Variants in KCNJ3 observed in about 807,000 individuals in gnomAD.
KCNJ3 encodes the protein potassium inwardly rectifying channel subfamily J member 3.
A neutral mutation model predicts 39.2 loss-of-function variants in KCNJ3; 4 were observed. The ratio of observed to expected loss-of-function variants is 0.10; its 90% CI spans 0.05 to 0.23. The LOEUF (loss-of-function observed/expected upper bound fraction) is 0.23, where lower values mean the gene tolerates loss of function less well. Ranked by LOEUF, KCNJ3 falls within the 10% of genes least tolerant of loss-of-function variation. The pLI is 1.00. For missense variants in KCNJ3, 276 were observed against 634.9 expected, an observed-to-expected ratio of 0.43 and a Z score of 6.08; for synonymous variants, 230 against 237.4, an observed-to-expected ratio of 0.97 and a Z score of 0.29.
intron 2 of KCNJ3, among the ~76,000 whole-genome samples, chr2:154,718,237 T>C (rs953708755): frequency 6.6e-6 from 1 of 152,196 alleles, no homozygotes; most frequent in African/African-American, 2.4e-5. Flanking sequence ...AGATATATCT[T>C]ATCAGTAATT....
At chr2:154,723,682 TA>T (rs1232761491) in intron 2 of KCNJ3, among the ~76,000 whole-genome samples, 2 of 152,192 alleles carry the variant, frequency 1.3e-5, no homozygotes, top group South Asian at 2.1e-4. Context: ...TTTAGCTTTG[TA>T]AAAAATGCTT....
intron 2 of KCNJ3, among the ~76,000 whole-genome samples, chr2:154,769,807 T>C (rs1179885051): frequency 6.6e-6 from 1 of 152,076 alleles, no homozygotes; most frequent in Non-Finnish European, 1.5e-5. Flanking sequence ...TTTAATGGAC[T>C]CTATATACTA....
chr2:154,841,368 A>T (rs991258281), intron 2 of KCNJ3, among the ~76,000 whole-genome samples: 4 of 152,174 alleles, frequency 2.6e-5, no homozygotes, highest in Non-Finnish European at 5.9e-5. Context: ...ATCAATGTTC[A>T]TCAGGGATAT....
intron 2 of KCNJ3, among the ~76,000 whole-genome samples, chr2:154,828,200 T>G (rs1687302132): frequency 6.6e-6 from 1 of 152,206 alleles, no homozygotes; most frequent in Non-Finnish European, 1.5e-5. Context: ...TAAAGCATGG[T>G]TTTTACATTA....
At chr2:154,793,616 G>T (rs986749430) in intron 2 of KCNJ3, among the ~76,000 whole-genome samples, 6 of 152,076 alleles carry the variant, frequency 3.9e-5, no homozygotes, top group Middle Eastern at 3.4e-3. Context: ...GTTGTCTAAA[G>T]CTGTATCTGT....
chr2:154,704,990 C>G (rs1040940657), intron 1 of KCNJ3, among the ~76,000 whole-genome samples: 1 of 152,220 alleles, frequency 6.6e-6, no homozygotes, highest in Non-Finnish European at 1.5e-5. Flanking sequence ...CCTTTCCTTT[C>G]CTTCCCAGAC....
At chr2:154,819,334 A>G (rs558310601) in intron 2 of KCNJ3, among the ~76,000 whole-genome samples, 36 of 152,114 alleles carry the variant, frequency 2.4e-4, no homozygotes, top group Non-Finnish European at 4.1e-4. Context: ...AGATGATGTT[A>G]TAGTAAACTG....
At chr2:154,832,025 A>C (rs1015389695) in intron 2 of KCNJ3, among the ~76,000 whole-genome samples, 16 of 152,100 alleles carry the variant, frequency 1.1e-4, no homozygotes, top group African/African-American at 3.9e-4. Flanking sequence ...CAAGAGAGAG[A>C]GGGAAGGAGG....
chr2:154,719,562 T>C (rs1010363687), intron 2 of KCNJ3, among the ~76,000 whole-genome samples: 1 of 152,168 alleles, frequency 6.6e-6, no homozygotes, highest in African/African-American at 2.4e-5. Flanking sequence ...GCAAGGATGT[T>C]AGTGCCACTC....
chr2:154,786,628 A>G (rs1360947502), intron 2 of KCNJ3, among the ~76,000 whole-genome samples: 1 of 152,164 alleles, frequency 6.6e-6, no homozygotes, highest in Non-Finnish European at 1.5e-5. Flanking sequence ...ATATGTATTC[A>G]AGACTCCTCT....
intron 2 of KCNJ3, among the ~76,000 whole-genome samples, chr2:154,805,699 T>C (rs1303729083): frequency 6.6e-6 from 1 of 152,180 alleles, no homozygotes; most frequent in East Asian, 1.9e-4. Context: ...ATGTGTAGCA[T>C]GGGCATATTA....
chr2:154,830,683 T>C (rs900057048), intron 2 of KCNJ3, among the ~76,000 whole-genome samples: 2 of 152,116 alleles, frequency 1.3e-5, no homozygotes, highest in Non-Finnish European at 2.9e-5. Flanking sequence ...CCTTTGAACT[T>C]GGCAGAATGG....
chr2:154,762,503 G>C (rs1352593687), intron 2 of KCNJ3, among the ~76,000 whole-genome samples: 1 of 152,156 alleles, frequency 6.6e-6, no homozygotes, highest in Non-Finnish European at 1.5e-5. Flanking sequence ...GTAATAAGGA[G>C]ATTCTAGACT....
chr2:154,807,535 A>C (rs891807982), intron 2 of KCNJ3, among the ~76,000 whole-genome samples: 20 of 152,248 alleles, frequency 1.3e-4, no homozygotes, highest in African/African-American at 3.9e-4. Flanking sequence ...TCTGACCTAT[A>C]ATATTTGTCT....
chr2:154,850,948 A>C (rs1687747631), intron 2 of KCNJ3, among the ~76,000 whole-genome samples: 1 of 152,160 alleles, frequency 6.6e-6, no homozygotes, highest in African/African-American at 2.4e-5. Flanking sequence ...ATTGTCTGAC[A>C]ATTTTAAAAA....
chr2:154,826,042 C>T (rs1451541375), intron 2 of KCNJ3, among the ~76,000 whole-genome samples: 1 of 151,988 alleles, frequency 6.6e-6, no homozygotes, highest in Non-Finnish European at 1.5e-5. Flanking sequence ...GAAACAAATC[C>T]TTGATAATAC....
chr2:154,772,786 A>G (rs1686264861), intron 2 of KCNJ3, among the ~76,000 whole-genome samples: 1 of 151,698 alleles, frequency 6.6e-6, no homozygotes, highest in Non-Finnish European at 1.5e-5. Flanking sequence ...ACCTAATTAG[A>G]GATGGCTGCA....
At chr2:154,771,410 A>C (rs970785661) in intron 2 of KCNJ3, among the ~76,000 whole-genome samples, 1 of 152,234 alleles carries the variant, frequency 6.6e-6, no homozygotes, top group Non-Finnish European at 1.5e-5. Context: ...ACCTGAAAGC[A>C]TGAAAGTAGT....
intron 2 of KCNJ3, among the ~76,000 whole-genome samples, chr2:154,727,051 C>T (rs987436642): frequency 1.3e-5 from 2 of 152,080 alleles, no homozygotes; most frequent in Admixed American, 6.5e-5. Context: ...AAAGACTACG[C>T]ATTGGTTACA....
Sources: gnomAD v4.1 joint callset for allele counts (sites outside exome capture counted in the v4.1 genomes callset) on GRCh38, gnomAD v4.1.1 for gene constraint, MANE v1.5 for transcripts, NCBI Gene and HGNC (gene_info 2026-07-23, HGNC 2026-07-21) for gene names.